Variants in MDM1 observed in about 807,000 individuals in gnomAD.
MDM1 encodes Mdm1 nuclear protein.
Under a neutral mutation model 89.1 loss-of-function variants are expected in MDM1, and 61 were observed. The observed-to-expected ratio is 0.68, with a 90% CI of 0.56 to 0.85. The LOEUF is 0.85. Ranked by LOEUF, MDM1 falls within the 40% of genes least tolerant of loss-of-function variation. The probability of loss-of-function intolerance (pLI) is 0.00; values close to 1 mark genes in which losing one functional copy is unlikely to be tolerated. For synonymous variants in MDM1, 290 were observed against 294.1 expected (o/e 0.99, Z 0.14); for missense variants, 820 against 846.5 (o/e 0.97, Z 0.39).
At chr12:68,298,283 G>A (rs533592561) in intron 13 of MDM1, among the ~76,000 whole-genome samples, 19 of 152,238 alleles carry the variant, frequency 1.2e-4, no homozygotes, top group African/African-American at 3.9e-4. Context: ...TAACCAACAC[G>A]CAAGAAAGCC....
At chr12:68,316,433 AAGC>A (rs1454608075) in intron 8 of MDM1, 145 bp downstream of exon 8, 3 of 931,908 alleles carry the variant, frequency 3.2e-6, no homozygotes, top group Non-Finnish European at 4.8e-6. Flanking sequence ...AATCAAGCTA[AAGC>A]ATGATGCAGT....
intron 2 of MDM1, among the ~76,000 whole-genome samples, chr12:68,329,740 C>T (rs1031000241): frequency 6.6e-6 from 1 of 152,150 alleles, no homozygotes; most frequent in African/African-American, 2.4e-5. Flanking sequence ...ATCTAATATA[C>T]TAGTAAGGAA....
intron 12 of MDM1, 38 bp from the exon 13 acceptor site, chr12:68,302,910 T>C (rs1197872929): frequency 6.8e-6 from 10 of 1,470,048 alleles, no homozygotes; most frequent in South Asian, 1.3e-5. Context: ...AAGATGCCTA[T>C]GTGTAGATAT....
intron 4 of MDM1, among the ~76,000 whole-genome samples, chr12:68,323,641 T>A (rs1875549031): frequency 2.0e-5 from 3 of 152,180 alleles, no homozygotes. Context: ...TTAGCTTTTC[T>A]TCCCTTGGCT....
At chr12:68,306,013 C>A (rs575040963) in intron 12 of MDM1, among the ~76,000 whole-genome samples, 2 of 150,440 alleles carry the variant, frequency 1.3e-5, no homozygotes, top group South Asian at 4.2e-4. Context: ...TGACTTCAAC[C>A]TATTACTATA....
In MDM1 at chr12:68,326,162, T is replaced by A. The variant is rs536505267; in HGVS notation, c.498+495A>T. 7 of 1,037,446 alleles carry A rather than the reference T, an allele frequency of 6.7e-6. No individual in the cohort carries two copies. In the South Asian group the frequency reaches 2.7e-4, roughly 39 times the overall value. 64.3% of individuals were successfully genotyped at this position (1,037,446 alleles called of 1,614,324 possible). ...CTCTGCTTATGTGCTCACAGGGACC[T>A]GCTGCAGGCCAGCTGTGACATAAGA... On this transcript the variant is annotated intron_variant, in intron 3 of 14. Transcript: ENST00000682720.
At chr12:68,297,521 G>C (rs1267903448) in intron 13 of MDM1, among the ~76,000 whole-genome samples, 1 of 152,196 alleles carries the variant, frequency 6.6e-6, no homozygotes, top group African/African-American at 2.4e-5. Flanking sequence ...CTGGGTTTGG[G>C]CATACTGAGT....
chr12:68,305,216 TC>T (rs1236239846), intron 12 of MDM1, among the ~76,000 whole-genome samples: 1 of 152,050 alleles, frequency 6.6e-6, no homozygotes, highest in African/African-American at 2.4e-5. Context: ...AAGTCCAATA[TC>T]CCTTCATGAT....
chr12:68,298,550 T>C (rs933482970), intron 13 of MDM1, among the ~76,000 whole-genome samples: 1 of 152,122 alleles, frequency 6.6e-6, no homozygotes, highest in African/African-American at 2.4e-5. Context: ...TAGACAGCCT[T>C]CCTGGAACAC....
chr12:68,331,003 T>C (rs1189323571), intron 2 of MDM1, 104 bp downstream of exon 2: 1 of 692,056 alleles, frequency 1.4e-6, no homozygotes, highest in Non-Finnish European at 2.6e-6. Flanking sequence ...TAATATATCA[T>C]TTGGTAAACT....
At chr12:68,300,516 A>G (rs1872001446) in intron 13 of MDM1, among the ~76,000 whole-genome samples, 1 of 152,212 alleles carries the variant, frequency 6.6e-6, no homozygotes, top group Non-Finnish European at 1.5e-5. Context: ...GGAGTCTTAT[A>G]TCAGGCAAAA....
intron 7 of MDM1, among the ~76,000 whole-genome samples, chr12:68,317,102 A>G (rs1336075404): frequency 2.6e-5 from 4 of 152,152 alleles, no homozygotes; most frequent in Non-Finnish European, 4.4e-5. Context: ...CATAATTGCA[A>G]TGTGTTCAAC....
chr12:68,322,938 A>G, intron 5 of MDM1, 135 bp downstream of exon 5: 2 of 781,090 alleles, frequency 2.6e-6, no homozygotes, highest in Non-Finnish European at 4.0e-6. Context: ...AGCTGGCTCA[A>G]TGAACATTTG....
At chr12:68,299,114 G>GA (rs1871801730) in intron 13 of MDM1, among the ~76,000 whole-genome samples, 1 of 151,288 alleles carries the variant, frequency 6.6e-6, no homozygotes, top group South Asian at 2.1e-4. Context: ...CTTAAGAGGG[G>GA]AAAAAAATTT....
intron 12 of MDM1, among the ~76,000 whole-genome samples, chr12:68,308,274 T>C (rs1592958220): frequency 6.6e-6 from 1 of 152,082 alleles, no homozygotes; most frequent in Non-Finnish European, 1.5e-5. Context: ...TATAGGCGTG[T>C]GCCACCATGT....
intron 13 of MDM1, among the ~76,000 whole-genome samples, chr12:68,300,504 C>T (rs1871998724): frequency 6.6e-6 from 1 of 151,932 alleles, no homozygotes; most frequent in Non-Finnish European, 1.5e-5. Context: ...CAAAAGCAAG[C>T]AGGAGTCTTA....
At chr12:68,325,682 T>C (rs61923292) in intron 3 of MDM1, 107 bp from the exon 4 acceptor site, 2 of 1,366,684 alleles carry the variant, frequency 1.5e-6, no homozygotes, top group South Asian at 2.2e-5. Flanking sequence ...CTTAACAAAA[T>C]GTTAAATCTA....
intron 7 of MDM1, among the ~76,000 whole-genome samples, chr12:68,319,193 A>G (rs1332388040): frequency 6.6e-6 from 1 of 152,250 alleles, no homozygotes; most frequent in Non-Finnish European, 1.5e-5. Flanking sequence ...CCCTTAAGTG[A>G]GCATTTTAAA....
intron 4 of MDM1, among the ~76,000 whole-genome samples, chr12:68,324,342 C>A (rs536692115): frequency 1.3e-5 from 2 of 152,008 alleles, no homozygotes; most frequent in Non-Finnish European, 2.9e-5. Context: ...GTTTTAGGTA[C>A]ACTTAATCTC....
Sources: allele counts gnomAD v4.1 joint callset (sites outside exome capture counted in the v4.1 genomes callset), GRCh38; gene constraint gnomAD v4.1.1; transcripts MANE v1.5; gene names NCBI Gene and HGNC (gene_info 2026-07-23, HGNC 2026-07-21).